Variants in SPTBN1 observed in about 807,000 individuals in gnomAD.
SPTBN1 encodes spectrin beta chain, non-erythrocytic 1.
Under a neutral mutation model 266.4 loss-of-function variants are expected in SPTBN1, and 32 were observed. The ratio of observed to expected loss-of-function variants is 0.12; its 90% CI spans 0.09 to 0.16. The LOEUF is 0.16. SPTBN1 is among the 10% of genes least tolerant of loss of function. SPTBN1 has a pLI of 1.00. For synonymous variants in SPTBN1, 1,336 were observed against 1,162.2 expected (o/e 1.15, Z -3.04); for missense variants, 2,296 against 3,067.1 (o/e 0.75, Z 5.94).
At chr2:54,633,414 T>TGTGTGTGTGTGC (rs1390994088) in intron 17 of SPTBN1, among the ~76,000 whole-genome samples, 1 of 142,952 alleles carries the variant, frequency 7.0e-6, no homozygotes, top group Admixed American at 7.2e-5. Flanking sequence ...TTTACGTGTG[T>TGTGTGTGTGTGC]GTGTGTGTGT....
chr2:54,493,048 C>A (rs1444281823), intron 1 of SPTBN1, among the ~76,000 whole-genome samples: 1 of 145,648 alleles, frequency 6.9e-6, no homozygotes, highest in African/African-American at 2.5e-5. Context: ...CTCTATTGCC[C>A]AGACTGAAGT....
Position 54,616,189 on chromosome 2 carries a change from T to C in SPTBN1, c.475-18T>C. The C allele has an allele frequency of 1.9e-6, 3 of 1,611,464 alleles. No individual in the cohort carries two copies. The highest frequency in any genetic ancestry group is 2.2e-5 in the East Asian group (1 of 44,830). On this transcript the variant is annotated intron_variant, in intron 4 of 35. Coordinates refer to ENST00000356805, the MANE Select transcript of SPTBN1 (RefSeq NM_003128.3). ...AGCTGACCCATCTATTTGTCTAATATTTCTTTGTAAATCTTAGATCCAGGA... is the reference window on the plus strand; with the variant it reads ...AGCTGACCCATCTATTTGTCTAATACTTCTTTGTAAATCTTAGATCCAGGA...
intron 1 of SPTBN1, among the ~76,000 whole-genome samples, chr2:54,492,652 TG>T (rs1178084805): frequency 2.6e-5 from 4 of 152,188 alleles, no homozygotes; most frequent in African/African-American, 9.7e-5. Context: ...GGAACATTTA[TG>T]TAAGTTACAG....
At position 54,628,969 on chromosome 2, in the gene SPTBN1, G is replaced by A. The variant is rs777810695; in HGVS notation, c.1835G>A (p.Arg612His). 1.2e-5 allele frequency: 19 copies of A among 1,612,240 alleles called. No homozygotes were observed. The highest frequency in any genetic ancestry group is 1.5e-5 in the Non-Finnish European group (18 of 1,179,158). The change falls in exon 14 of 36, where the codon CGC becomes CAC. Residue 612 changes from arginine (R) to histidine (H), a missense_variant. Coordinates refer to ENST00000356805, the MANE Select transcript of SPTBN1 (RefSeq NM_003128.3). The surrounding 1 kb of genome is among the most constrained non-coding windows in gnomAD (Gnocchi z 4.3). ...KPCDPQVIRD[R>H]VAHMEFCYQE... ...TGTGACCCCCAGGTGATCCGAGACC[G>A]CGTGGCCCACATGGAGTTCTGTTAT...
At chr2:54,461,150 T>C (rs1314702639) in intron 1 of SPTBN1, among the ~76,000 whole-genome samples, 1 of 152,198 alleles carries the variant, frequency 6.6e-6, no homozygotes, top group Non-Finnish European at 1.5e-5. Context: ...TTCTCTATGG[T>C]TTATCCTTTT....
At position 54,630,041 on chromosome 2, in the gene SPTBN1, G is replaced by A. The variant is rs1342051827; in HGVS notation, c.2807+12G>A. 8 of 1,611,752 alleles carry A rather than the reference G, an allele frequency of 5.0e-6. No homozygotes were observed. The highest frequency in any genetic ancestry group is 1.3e-5 in the African/African-American group (1 of 74,874). On this transcript the variant is annotated intron_variant, in intron 15 of 35. Coordinates refer to ENST00000356805, the MANE Select transcript of SPTBN1 (RefSeq NM_003128.3). Reference sequence around the variant, plus strand: ...AAACTCAACACAAGGTGAGCACGTGGCCAGCAGTGTGCCAGCCTCCCACGT... The same window carrying A: ...AAACTCAACACAAGGTGAGCACGTGACCAGCAGTGTGCCAGCCTCCCACGT...
intron 1 of SPTBN1, among the ~76,000 whole-genome samples, chr2:54,481,802 G>A (rs529114972): frequency 1.6e-4 from 24 of 152,194 alleles, no homozygotes; most frequent in Admixed American, 5.2e-4. Flanking sequence ...TTTGTTCGGA[G>A]TACTAGATTT....
At position 54,529,562 on chromosome 2, in the gene SPTBN1, C is replaced by T. The variant is rs774685572; in HGVS notation, c.148+2996C>T. On this transcript the variant is annotated intron_variant, in intron 2 of 35. Transcript: ENST00000356805. The stretch of plus-strand genomic sequence containing the variant: ...CACCCCCAGGAGAAACAAGCTTGAC[C>T]ACTATGCTATCATCAAGTTTCCTCT... The T allele has an allele frequency of 3.4e-5, 24 of 715,692 alleles. No homozygotes were observed. In the African/African-American group the frequency reaches 3.7e-4, roughly 11 times the overall value. 44.3% of individuals were successfully genotyped at this position (715,692 alleles called of 1,614,324 possible).
At chr2:54,579,506 T>G (rs1183405233) in intron 2 of SPTBN1, among the ~76,000 whole-genome samples, 1 of 152,166 alleles carries the variant, frequency 6.6e-6, no homozygotes, top group Non-Finnish European at 1.5e-5. Flanking sequence ...ATTGGTAGCA[T>G]TAGCGCACGT....
chr2:54,492,099 A>G (rs1329482618), intron 1 of SPTBN1, among the ~76,000 whole-genome samples: 1 of 152,204 alleles, frequency 6.6e-6, no homozygotes, highest in Non-Finnish European at 1.5e-5. Flanking sequence ...TAACTTCTGA[A>G]TATGAGAGTA....
Position 54,669,129 on chromosome 2 carries a change from TACTA to T in SPTBN1, c.*563_*566del, listed in dbSNP as rs1553358836. ...CAAACCATTTGTATCTGGCATCACTTACTAACACACGACATGCGGCTTTTCTGCA... is the reference window on the plus strand; with the variant it reads ...CAAACCATTTGTATCTGGCATCACTTACACACGACATGCGGCTTTTCTGCA... On this transcript the variant is annotated 3_prime_UTR_variant, in exon 36 of 36. Coordinates refer to ENST00000356805, the MANE Select transcript of SPTBN1 (RefSeq NM_003128.3). The T allele has an allele frequency of 2.0e-5, 3 of 153,532 alleles. No individual in the cohort carries two copies. The highest frequency in any genetic ancestry group is 1.3e-4 in the Admixed American group (2 of 15,462). 9.5% of individuals were successfully genotyped at this position (153,532 alleles called of 1,614,324 possible).
chr2:54,473,581 G>C (rs2103881089), intron 1 of SPTBN1, among the ~76,000 whole-genome samples: 1 of 151,998 alleles, frequency 6.6e-6, no homozygotes, highest in Middle Eastern at 3.4e-3. Context: ...ATTGAGGAGA[G>C]GTGAACTACA....
At chr2:54,460,131 C>T (rs375601695) in intron 1 of SPTBN1, among the ~76,000 whole-genome samples, 3 of 152,172 alleles carry the variant, frequency 2.0e-5, no homozygotes, top group African/African-American at 7.2e-5. Flanking sequence ...TTCTTAGGCC[C>T]CACTCTGAAC....
intron 1 of SPTBN1, among the ~76,000 whole-genome samples, chr2:54,483,113 C>G (rs1668182579): frequency 6.6e-6 from 1 of 152,152 alleles, no homozygotes; most frequent in African/African-American, 2.4e-5. Flanking sequence ...GAACCGAAGC[C>G]TGAGTATTGG....
intron 2 of SPTBN1, among the ~76,000 whole-genome samples, chr2:54,587,198 T>G (rs900566503): frequency 6.6e-6 from 1 of 152,228 alleles, no homozygotes; most frequent in Non-Finnish European, 1.5e-5. Context: ...AAAGCCTACC[T>G]TTAGCCCTTG....
intron 2 of SPTBN1, among the ~76,000 whole-genome samples, chr2:54,578,059 A>G (rs1402587905): frequency 6.6e-6 from 1 of 152,194 alleles, no homozygotes; most frequent in Non-Finnish European, 1.5e-5. Context: ...ATTCCAGACT[A>G]TAAAGGACTC....
intron 2 of SPTBN1, 83 bp downstream of exon 2, chr2:54,526,649 C>A: frequency 6.8e-7 from 1 of 1,473,012 alleles, no homozygotes; most frequent in Non-Finnish European, 9.1e-7. Flanking sequence ...GTTCCCATGA[C>A]GCTGTCATGT....
chr2:54,503,471 C>G (rs1669384435), intron 1 of SPTBN1, among the ~76,000 whole-genome samples: 1 of 152,188 alleles, frequency 6.6e-6, no homozygotes, highest in Non-Finnish European at 1.5e-5. Flanking sequence ...TTGACACTGG[C>G]TGTCTCACCC....
intron 2 of SPTBN1, among the ~76,000 whole-genome samples, chr2:54,569,258 G>A (rs1673892815): frequency 6.6e-6 from 1 of 152,208 alleles, no homozygotes; most frequent in African/African-American, 2.4e-5. Context: ...GTGGCCAGTT[G>A]AAAGCAGCAG....
Sources: allele counts gnomAD v4.1 joint callset (sites outside exome capture counted in the v4.1 genomes callset), GRCh38; gene constraint gnomAD v4.1.1; non-coding constraint Gnocchi (gnomAD v3.1); transcripts MANE v1.5; gene names NCBI Gene and HGNC (gene_info 2026-07-23, HGNC 2026-07-21).